Variants in OTOGL observed in about 807,000 individuals in gnomAD.
OTOGL encodes the protein otogelin-like protein.
Under a neutral mutation model 318.5 loss-of-function variants are expected in OTOGL, and 285 were observed. That is an observed-to-expected ratio of 0.89 (90% confidence interval 0.81 to 0.99). OTOGL has a LOEUF of 0.99. Among genes scored for constraint, OTOGL ranks in the 50% least tolerant of loss-of-function variants. The pLI, the probability that OTOGL is intolerant of heterozygous loss-of-function variation, is 0.00. For missense variants in OTOGL, 2,899 were observed against 2,845.6 expected (o/e 1.02, Z -0.43); for synonymous variants, 987 against 936.5 (o/e 1.05, Z -0.99).
At chr12:80,366,309 TGGTA>T (rs1255158151) in intron 52 of OTOGL, 1 of 453,994 alleles carries the variant, frequency 2.2e-6, no homozygotes. Context: ...TAGGCTGCCT[TGGTA>T]GAGCAGATCA....
At chr12:80,353,613 G>T in intron 46 of OTOGL, 103 bp downstream of exon 46, 1 of 910,146 alleles carries the variant, frequency 1.1e-6, no homozygotes, top group South Asian at 4.1e-5. Context: ...ATCAAAGACA[G>T]CCTCTGTTGG....
chr12:80,200,942 C>A (rs910626657), intron 1 of OTOGL, among the ~76,000 whole-genome samples: 8 of 152,116 alleles, frequency 5.3e-5, no homozygotes, highest in Admixed American at 5.2e-4. Context: ...TGGAGGACGC[C>A]TACACCAAAA....
At chr12:80,270,056 A>ACC (rs1565944156) in intron 22 of OTOGL, 46 bp from the exon 23 acceptor site, 1 of 1,423,302 alleles carries the variant, frequency 7.0e-7, no homozygotes, top group Admixed American at 2.1e-5. Context: ...AAAAAAAAAA[A>ACC]AACAACAGAT....
At chr12:80,212,166 C>T (rs1565902080) in intron 4 of OTOGL, among the ~76,000 whole-genome samples, 169 bp downstream of exon 4, 1 of 152,022 alleles carries the variant, frequency 6.6e-6, no homozygotes, top group South Asian at 2.1e-4. Flanking sequence ...CTACGACCAT[C>T]GAATTCATGC....
intron 11 of OTOGL, among the ~76,000 whole-genome samples, chr12:80,239,782 A>G (rs1880210398): frequency 6.6e-6 from 1 of 152,060 alleles, no homozygotes; most frequent in African/African-American, 2.4e-5. Flanking sequence ...ACAATTGATT[A>G]ATGTTAGCTA....
chr12:80,222,027 A>T (rs1878390386), intron 6 of OTOGL, 64 bp from the exon 7 acceptor site: 7 of 1,476,386 alleles, frequency 4.7e-6, no homozygotes, highest in Non-Finnish European at 5.5e-6. Flanking sequence ...ACCATGACTG[A>T]CTGAACATTG....
At chr12:80,261,895 T>A (rs1882556041) in intron 18 of OTOGL, 74 bp from the exon 19 acceptor site, 8 of 1,493,812 alleles carry the variant, frequency 5.4e-6, no homozygotes, top group Non-Finnish European at 7.2e-6. Flanking sequence ...TAGTATTCTC[T>A]TATTTAAATA....
At chr12:80,312,987 G>C (rs1294744829) in intron 30 of OTOGL, among the ~76,000 whole-genome samples, 1 of 151,906 alleles carries the variant, frequency 6.6e-6, no homozygotes, top group Non-Finnish European at 1.5e-5. Flanking sequence ...AATTTTGTCA[G>C]CTACTTAAAT....
At chr12:80,295,469 G>A (rs12296951) in intron 26 of OTOGL, among the ~76,000 whole-genome samples, 1,574 of 152,252 alleles carry the variant, frequency 0.01, 13 homozygotes, top group South Asian at 0.023. Flanking sequence ...GAGCCACCGC[G>A]TCTGGCCTAT....
intron 44 of OTOGL, among the ~76,000 whole-genome samples, chr12:80,344,776 G>C (rs1035744966): frequency 6.6e-6 from 1 of 151,480 alleles, no homozygotes; most frequent in African/African-American, 2.4e-5. Context: ...GGAAAGTCAG[G>C]CTTGTCCATC....
At chr12:80,324,779 C>T (rs1310163072) in intron 35 of OTOGL, among the ~76,000 whole-genome samples, 2 of 152,106 alleles carry the variant, frequency 1.3e-5, no homozygotes, top group Non-Finnish European at 2.9e-5. Flanking sequence ...TTGGCCTCAG[C>T]AGTTATTAGG....
chr12:80,122,945 G>A (rs1870575835), intron 1 of OTOGL, among the ~76,000 whole-genome samples: 1 of 150,240 alleles, frequency 6.7e-6, no homozygotes, highest in African/African-American at 2.5e-5. Context: ...TTTCCCTGGA[G>A]TCCAGAGCCT....
intron 1 of OTOGL, among the ~76,000 whole-genome samples, chr12:80,121,739 T>C (rs1402631699): frequency 6.6e-6 from 1 of 152,184 alleles, no homozygotes; most frequent in Non-Finnish European, 1.5e-5. Flanking sequence ...TTAACTGACA[T>C]TATGAGGATG....
At chr12:80,225,052 A>G (rs570637539) in intron 7 of OTOGL, among the ~76,000 whole-genome samples, 14 of 152,244 alleles carry the variant, frequency 9.2e-5, no homozygotes, top group Non-Finnish European at 1.9e-4. Flanking sequence ...ACAAAAATCA[A>G]AAATAAAAAA....
In OTOGL at chr12:80,238,706, T is replaced by C. The variant is rs574126183; in HGVS notation, c.818-145T>C. 1.0e-5 allele frequency: 11 copies of C among 1,052,632 alleles called. 1 individual carries two copies. The South Asian group carries it at 3.6e-4, about 34-fold the overall frequency. 65.2% of individuals were successfully genotyped at this position (1,052,632 alleles called of 1,614,324 possible). A position where few individuals can be genotyped will look rare whatever the true frequency, so the allele number is the denominator to read the frequency against. Reference sequence around the variant, plus strand: ...TTTTATTATGATAAAGTAATGTTATTATCTAATATCACATTGGTAATTATA... The same window carrying C: ...TTTTATTATGATAAAGTAATGTTATCATCTAATATCACATTGGTAATTATA... On this transcript the variant is annotated intron_variant, in intron 9 of 58. Transcript: ENST00000547103.
At position 80,352,394 on chromosome 12, in the gene OTOGL, A is replaced by G; in HGVS notation, c.5365A>G (p.Lys1789Glu). 6.2e-7 allele frequency: 1 copy of G among 1,612,386 alleles called. No individual in the cohort carries two copies. The highest frequency in any genetic ancestry group is 1.1e-5 in the South Asian group (1 of 90,906). ...TTCTGCATATGTGGCTCTGTGCAAC[A>G]AGTTTGATATCTGTATTCAGTGGAG... ...ALSAYVALCN[K>E]FDICIQWRTP... is the part of the protein sequence containing the mutation. Residue 1789 changes from lysine to glutamate, a missense_variant, in exon 45 of 59, where the codon AAG (lysine) becomes GAG (glutamate). Transcript: ENST00000547103.
chr12:80,260,369 A>C (rs1379300110), intron 18 of OTOGL, among the ~76,000 whole-genome samples: 1 of 152,114 alleles, frequency 6.6e-6, no homozygotes, highest in African/African-American at 2.4e-5. Flanking sequence ...AAAAGACATT[A>C]ATCCTGTTTT....
chr12:80,240,894 T>A (rs1053014566), intron 11 of OTOGL, among the ~76,000 whole-genome samples: 1 of 152,120 alleles, frequency 6.6e-6, no homozygotes, highest in Non-Finnish European at 1.5e-5. Context: ...TAAAGTTTTT[T>A]AAAATTATTT....
At position 80,367,565 on chromosome 12, in the gene OTOGL, G is replaced by A. The variant is rs1452378543; in HGVS notation, c.6336G>A (p.Lys2112=). The change falls in exon 54 of 59, where the codon AAG becomes AAA. Residue 2112 remains lysine, a synonymous_variant. Transcript: ENST00000547103. ...GACTATGTTTTCTGTTCTTAGAAAA[G>A]GATGATGTGTGTGTATTTCAAGAAG... The part of the protein sequence containing the change: ...DCGCIQYLCE[K]DDVCVFQEVS... The A allele has an allele frequency of 2.6e-6, 4 of 1,515,210 alleles. No homozygotes were observed. The Admixed American group carries it at 8.2e-5, about 31-fold the overall frequency. 93.9% of individuals were successfully genotyped at this position (1,515,210 alleles called of 1,614,324 possible).
Sources: allele counts gnomAD v4.1 joint callset (sites outside exome capture counted in the v4.1 genomes callset), GRCh38; gene constraint gnomAD v4.1.1; transcripts MANE v1.5; gene names NCBI Gene and HGNC (gene_info 2026-07-23, HGNC 2026-07-21).